NXPE2: variants seen among roughly 807,000 people sequenced by gnomAD.
NXPE2 encodes NXPE family member 2.
In NXPE2, 34 loss-of-function variants were observed where a neutral mutation model predicts 34.4. The observed-to-expected ratio is 0.99, with a 90% CI of 0.75 to 1.31. The LOEUF is 1.31. Among genes scored for constraint, NXPE2 ranks in the 40% most tolerant of loss-of-function variants. NXPE2 has a pLI of 0.00. For synonymous variants in NXPE2, 235 were observed against 231.3 expected, an observed-to-expected ratio of 1.02 and a Z score of -0.15; for missense variants, 649 against 672.5, an observed-to-expected ratio of 0.97 and a Z score of 0.39.
the NXPE2 span, among the ~76,000 whole-genome samples, chr11:114,538,306 G>C: frequency 1.3e-5 from 2 of 152,176 alleles, no homozygotes; most frequent in African/African-American, 4.8e-5. Context: ...TTACATGTTT[G>C]ACCTAAAACC....
At chr11:114,481,922 T>C in the NXPE2 span, among the ~76,000 whole-genome samples, 398 of 152,272 alleles carry the variant, frequency 2.6e-3, 2 homozygotes, top group African/African-American at 9.2e-3. Context: ...TGCAAGTAAC[T>C]GTAGCGAAAG....
chr11:114,638,679 A>G, the NXPE2 span, among the ~76,000 whole-genome samples: 5 of 152,036 alleles, frequency 3.3e-5, no homozygotes, highest in African/African-American at 1.2e-4. Flanking sequence ...TTTTCTTTCT[A>G]ACAGACAGGA....
chr11:114,763,065 C>T, the NXPE2 span, among the ~76,000 whole-genome samples: 4 of 152,108 alleles, frequency 2.6e-5, no homozygotes, highest in African/African-American at 9.7e-5. Context: ...CCTCAACTAG[C>T]CTTTGATATG....
At chr11:114,716,336 G>T in the NXPE2 span, among the ~76,000 whole-genome samples, 1 of 152,038 alleles carries the variant, frequency 6.6e-6, no homozygotes, top group Non-Finnish European at 1.5e-5. Flanking sequence ...TGCATGTCAT[G>T]AAAAAAGGGA....
the NXPE2 span, among the ~76,000 whole-genome samples, chr11:114,660,363 A>G: frequency 6.6e-6 from 1 of 152,034 alleles, no homozygotes; most frequent in Non-Finnish European, 1.5e-5. Context: ...CATCCTCAAC[A>G]AAGTATTAGC....
the NXPE2 span, among the ~76,000 whole-genome samples, chr11:114,769,948 C>T: frequency 6.6e-6 from 1 of 152,096 alleles, no homozygotes; most frequent in Non-Finnish European, 1.5e-5. Context: ...TACCCCAGAA[C>T]TTAAAGTATA....
chr11:114,482,629 C>T, the NXPE2 span, among the ~76,000 whole-genome samples: 3 of 152,136 alleles, frequency 2.0e-5, no homozygotes, highest in African/African-American at 7.2e-5. Context: ...TGCAAGGTGC[C>T]TTAGTTAATA....
At chr11:114,568,760 A>G in the NXPE2 span, among the ~76,000 whole-genome samples, 1 of 152,018 alleles carries the variant, frequency 6.6e-6, no homozygotes, top group East Asian at 1.9e-4. Context: ...CTAAATACCT[A>G]GTCACCTCCA....
At chr11:114,643,610 G>T in the NXPE2 span, among the ~76,000 whole-genome samples, 1 of 151,976 alleles carries the variant, frequency 6.6e-6, no homozygotes, top group South Asian at 2.1e-4. Context: ...TGTTCCATTG[G>T]TCTATATATC....
At chr11:114,512,945 A>G in the NXPE2 span, 1 of 315,004 alleles carries the variant, frequency 3.2e-6, no homozygotes, top group South Asian at 3.0e-5. Context: ...TGGCCCTTGA[A>G]GATGATCCTG....
At chr11:114,465,378 AAGC>A in the NXPE2 span, among the ~76,000 whole-genome samples, 3 of 152,220 alleles carry the variant, frequency 2.0e-5, no homozygotes, top group Non-Finnish European at 4.4e-5. Flanking sequence ...TGTGCAAAAT[AAGC>A]AGGCTGCAAA....
chr11:114,620,833 A>C, the NXPE2 span, among the ~76,000 whole-genome samples: 1 of 151,994 alleles, frequency 6.6e-6, no homozygotes, highest in Non-Finnish European at 1.5e-5. Context: ...TGTGTCTAAT[A>C]AGTGTTGCCT....
the NXPE2 span, among the ~76,000 whole-genome samples, chr11:114,473,138 C>T: frequency 2.3e-4 from 35 of 152,148 alleles, no homozygotes; most frequent in Non-Finnish European, 2.5e-4. Context: ...CTGAGGGTCT[C>T]CCCAAATACC....
the NXPE2 span, chr11:114,583,361 G>T: frequency 8.0e-6 from 5 of 621,798 alleles, no homozygotes; most frequent in Admixed American, 7.9e-5. Context: ...CTGAATCTGC[G>T]TGACTCATAA....
At chr11:114,685,150 A>G (rs1591429506) in intron 2 of NXPE2, among the ~76,000 whole-genome samples, 2 of 152,224 alleles carry the variant, frequency 1.3e-5, no homozygotes, top group Non-Finnish European at 2.9e-5. Flanking sequence ...CTTAATATAT[A>G]TAAATCTTCA....
At chr11:114,541,043 C>A in the NXPE2 span, among the ~76,000 whole-genome samples, 1 of 151,570 alleles carries the variant, frequency 6.6e-6, no homozygotes, top group Admixed American at 6.6e-5. Flanking sequence ...GGGGTAGACC[C>A]AAAGCAATCT....
the NXPE2 span, among the ~76,000 whole-genome samples, chr11:114,557,292 C>T: frequency 2.6e-5 from 4 of 152,138 alleles, no homozygotes; most frequent in Middle Eastern, 3.4e-3. Context: ...AATTTCTACT[C>T]TATTTTGGAA....
chr11:114,654,788 C>T, the NXPE2 span, among the ~76,000 whole-genome samples: 4 of 152,210 alleles, frequency 2.6e-5, no homozygotes, highest in African/African-American at 9.6e-5. Flanking sequence ...TATATGTGTG[C>T]ATGTGTCTTT....
chr11:114,780,944 T>C, the NXPE2 span, among the ~76,000 whole-genome samples: 1 of 151,992 alleles, frequency 6.6e-6, no homozygotes, highest in African/African-American at 2.4e-5. Context: ...GGGTGAGGCA[T>C]TGCAGTGAGG....
Sources: gnomAD v4.1 joint callset for allele counts (sites outside exome capture counted in the v4.1 genomes callset) on GRCh38, gnomAD v4.1.1 for gene constraint, MANE v1.5 for transcripts, NCBI Gene and HGNC (gene_info 2026-07-23, HGNC 2026-07-21) for gene names.